The following SLCO6A1 variants were observed in gnomAD, a reference collection of about 807,000 sequenced individuals.
SLCO6A1 encodes solute carrier organic anion transporter family member 6A1, also known as cancer/testis antigen 48.
SLCO6A1 carries 65 observed loss-of-function variants against 72.7 expected under a neutral mutation model. The ratio of observed to expected loss-of-function variants is 0.89; its 90% CI spans 0.73 to 1.10. SLCO6A1 has a LOEUF of 1.10. Among genes scored for constraint, SLCO6A1 ranks in the 50% least tolerant of loss-of-function variants. SLCO6A1 has a pLI of 0.00. For synonymous variants in SLCO6A1, 314 were observed against 298.2 expected (o/e 1.05, Z -0.55); for missense variants, 874 against 872.6 (o/e 1.00, Z -0.02).
rs183077314 is a variant in SLCO6A1 at position 102,433,693 on chromosome 5, A to T, written c.1276+4924T>A. On this transcript the variant is annotated intron_variant, in intron 7 of 13. Coordinates refer to ENST00000506729, the MANE Select transcript of SLCO6A1 (RefSeq NM_173488.5). ...AACACTCCAATGGACGGTGGCAGCC[A>T]AAGCACTTTGTAGGGCAGTGGCAAT... Among the ~76,000 whole-genome samples, 187 of 152,278 alleles carry T rather than the reference A, an allele frequency of 1.2e-3. 1 individual carries two copies. Among genetic ancestry groups the T allele is most frequent in the Non-Finnish European group, 7.1e-4 (48 of 68,028 alleles).
chr5:102,480,961 G>A (rs1402105489), intron 1 of SLCO6A1, among the ~76,000 whole-genome samples: 2 of 151,276 alleles, frequency 1.3e-5, no homozygotes, highest in Admixed American at 6.6e-5. Flanking sequence ...ATCAAGTATT[G>A]TTTTTCATGT....
chr5:102,455,027 T>TATATATATATATATATATATA (rs144619414), intron 6 of SLCO6A1, among the ~76,000 whole-genome samples: 1 of 141,830 alleles, frequency 7.1e-6, no homozygotes, highest in African/African-American at 2.7e-5. Context: ...TATATATATA[T>TATATATATATATATATATATA]AAATTATGTT....
At chr5:102,390,946 T>G in intron 11 of SLCO6A1, 35 bp downstream of exon 11, 2 of 1,585,204 alleles carry the variant, frequency 1.3e-6, no homozygotes. Context: ...TCAAAAAACA[T>G]TTTGATGTAA....
At chr5:102,490,998 A>T (rs1229811244) in intron 1 of SLCO6A1, among the ~76,000 whole-genome samples, 2 of 151,966 alleles carry the variant, frequency 1.3e-5, no homozygotes, top group Non-Finnish European at 2.9e-5. Context: ...GCTCCATTTT[A>T]CAGAGAGCCG....
intron 6 of SLCO6A1, among the ~76,000 whole-genome samples, chr5:102,445,488 G>A (rs1266892999): frequency 2.6e-5 from 4 of 152,132 alleles, no homozygotes; most frequent in Non-Finnish European, 5.9e-5. Context: ...TTTGTCAGAC[G>A]TATAGTTTGC....
At chr5:102,408,857 T>G (rs1273806218) in intron 9 of SLCO6A1, among the ~76,000 whole-genome samples, 6 of 152,146 alleles carry the variant, frequency 3.9e-5, no homozygotes, top group Admixed American at 3.9e-4. Flanking sequence ...AATTAAAATA[T>G]TCCAATGATA....
At chr5:102,482,166 T>A (rs1223685652) in intron 1 of SLCO6A1, among the ~76,000 whole-genome samples, 1 of 152,214 alleles carries the variant, frequency 6.6e-6, no homozygotes, top group African/African-American at 2.4e-5. Context: ...AGGCATATTC[T>A]ATAACCTAGA....
At chr5:102,449,097 T>C (rs913115233) in intron 6 of SLCO6A1, among the ~76,000 whole-genome samples, 7 of 152,142 alleles carry the variant, frequency 4.6e-5, no homozygotes, top group Admixed American at 1.3e-4. Context: ...GTCTAAAAAG[T>C]ATTTTATTTC....
At chr5:102,444,957 T>C (rs6596496) in intron 6 of SLCO6A1, among the ~76,000 whole-genome samples, 96,852 of 152,028 alleles carry the variant, frequency 0.64, 31,037 homozygotes, top group African/African-American at 0.66. Flanking sequence ...TACATTTTCT[T>C]TATCCATTTC....
At chr5:102,409,398 A>AT (rs971310470) in intron 9 of SLCO6A1, among the ~76,000 whole-genome samples, 1 of 152,116 alleles carries the variant, frequency 6.6e-6, no homozygotes, top group Admixed American at 6.5e-5. Context: ...TTGAGAAAAT[A>AT]TTTTTTAAAG....
chr5:102,474,282 G>A (rs751227949), intron 4 of SLCO6A1, among the ~76,000 whole-genome samples: 5 of 151,820 alleles, frequency 3.3e-5, no homozygotes, highest in East Asian at 1.9e-4. Context: ...TCATATATAC[G>A]GTGAAATGAT....
At chr5:102,440,715 G>A (rs1054438038) in intron 6 of SLCO6A1, among the ~76,000 whole-genome samples, 2 of 152,080 alleles carry the variant, frequency 1.3e-5, no homozygotes, top group South Asian at 2.1e-4. Context: ...ATTCTCATAA[G>A]CAAAATATAT....
Position 102,498,749 on chromosome 5 carries a change from G to T in SLCO6A1, c.96C>A (p.Asp32Glu). ...LEAARAQPAK[D>E]RRAKGTPKSS... ...ACTTCGGGGTTCCCTTGGCCCTCCT[G>T]TCCTTAGCAGGCTGGGCCCGCGCGG... The change falls in exon 1 of 14, where the codon GAC becomes GAA. Residue 32 changes from aspartate to glutamate, a missense_variant. By Grantham distance (45) the Asp-to-Glu change is conservative. Transcript: ENST00000506729. 1 of 1,614,080 alleles carries T rather than the reference G, an allele frequency of 6.2e-7. No homozygotes were observed. Among genetic ancestry groups the T allele is most frequent in the Non-Finnish European group, 8.5e-7 (1 of 1,180,020 alleles).
chr5:102,421,671 G>A (rs1378570946), intron 7 of SLCO6A1, among the ~76,000 whole-genome samples: 1 of 152,184 alleles, frequency 6.6e-6, no homozygotes, highest in Non-Finnish European at 1.5e-5. Flanking sequence ...AGCACCTGGG[G>A]GAAGGGGTGG....
intron 13 of SLCO6A1, among the ~76,000 whole-genome samples, 164 bp from the exon 14 acceptor site, chr5:102,372,287 C>T (rs6871556): frequency 0.017 from 2,561 of 152,044 alleles, 67 homozygotes; most frequent in African/African-American, 0.058. Context: ...CTGCTAGCCA[C>T]GACCATGAAT....
intron 13 of SLCO6A1, among the ~76,000 whole-genome samples, chr5:102,372,800 C>CA (rs1750695255): frequency 1.3e-5 from 2 of 151,424 alleles, no homozygotes; most frequent in Admixed American, 6.6e-5. Context: ...GTCAATTAAC[C>CA]AAAGAAATTT....
At chr5:102,439,414 T>C (rs1441454367) in intron 6 of SLCO6A1, among the ~76,000 whole-genome samples, 2 of 152,154 alleles carry the variant, frequency 1.3e-5, no homozygotes, top group African/African-American at 4.8e-5. Context: ...TTTCCTTGGT[T>C]ATGCGTATCT....
At chr5:102,459,557 C>G (rs1199401974) in intron 5 of SLCO6A1, 99 bp downstream of exon 5, 1 of 1,306,606 alleles carries the variant, frequency 7.7e-7, no homozygotes, top group Non-Finnish European at 1.0e-6. Context: ...GAGGCATACT[C>G]ATTTTATTAA....
intron 7 of SLCO6A1, among the ~76,000 whole-genome samples, chr5:102,422,382 G>T (rs1351971139): frequency 6.6e-6 from 1 of 152,158 alleles, no homozygotes; most frequent in Non-Finnish European, 1.5e-5. Context: ...CTTGATAAAT[G>T]GTTACAGGAG....
Sources: allele counts gnomAD v4.1 joint callset (sites outside exome capture counted in the v4.1 genomes callset), GRCh38; gene constraint gnomAD v4.1.1; transcripts MANE v1.5; gene names NCBI Gene and HGNC (gene_info 2026-07-23, HGNC 2026-07-21).